The following RERE variants were observed in gnomAD, a reference collection of about 807,000 sequenced individuals.
The protein encoded by RERE is arginine-glutamic acid dipeptide repeats protein.
In RERE, 40 loss-of-function variants were observed where a neutral mutation model predicts 146.1. The observed-to-expected ratio is 0.27, with a 90% confidence interval of 0.21 to 0.36. RERE has a LOEUF of 0.36. Among genes scored for constraint, RERE ranks in the 10% least tolerant of loss-of-function variants. The probability of loss-of-function intolerance (pLI) is 1.00; values close to 1 mark genes in which losing one functional copy is unlikely to be tolerated. For synonymous variants in RERE, 1,003 were observed against 866.0 expected (o/e 1.16, Z -2.78); for missense variants, 1,933 against 2,138.7 (o/e 0.90, Z 1.90).
chr1:8,681,283 C>T (rs535573773), intron 1 of RERE, among the ~76,000 whole-genome samples: 8 of 152,286 alleles, frequency 5.3e-5, no homozygotes, highest in African/African-American at 1.9e-4. Context: ...ATAAGGATCT[C>T]ATATAGGACT....
intron 1 of RERE, among the ~76,000 whole-genome samples, chr1:8,789,648 T>C (rs1451665621): frequency 1.3e-5 from 2 of 152,150 alleles, no homozygotes; most frequent in African/African-American, 4.8e-5. Context: ...ACTCCGTGCC[T>C]AGCATTCCAA....
chr1:8,751,367 A>C (rs1640531282), intron 1 of RERE, among the ~76,000 whole-genome samples: 1 of 152,220 alleles, frequency 6.6e-6, no homozygotes, highest in African/African-American at 2.4e-5. Flanking sequence ...TAATATCTCC[A>C]AATAAATAGC....
intron 9 of RERE, 109 bp downstream of exon 9, chr1:8,497,296 A>T: frequency 8.3e-7 from 1 of 1,198,630 alleles, no homozygotes; most frequent in Admixed American, 2.3e-5. Flanking sequence ...TTAAAGTCAG[A>T]GAACGCCCAA....
intron 12 of RERE, among the ~76,000 whole-genome samples, chr1:8,382,180 C>T (rs1307900896): frequency 6.6e-6 from 1 of 152,262 alleles, no homozygotes. Context: ...TGGGATTATG[C>T]CTGCAAGCTA....
chr1:8,721,892 A>T (rs1639871496), intron 1 of RERE, among the ~76,000 whole-genome samples: 1 of 152,232 alleles, frequency 6.6e-6, no homozygotes, highest in Admixed American at 6.5e-5. Flanking sequence ...ACGGAGCTGA[A>T]CAGTCAGCTA....
At chr1:8,422,259 TC>T (rs1301353300) in intron 12 of RERE, among the ~76,000 whole-genome samples, 1 of 152,158 alleles carries the variant, frequency 6.6e-6, no homozygotes, top group Non-Finnish European at 1.5e-5. Context: ...GAGTTAAAAC[TC>T]CTCTTCAAAA....
chr1:8,779,199 A>T (rs1316275259), intron 1 of RERE, among the ~76,000 whole-genome samples: 1 of 152,074 alleles, frequency 6.6e-6, no homozygotes, highest in African/African-American at 2.4e-5. Flanking sequence ...TCCTAAGGAA[A>T]TAATTGTAAA....
chr1:8,755,880 T>C (rs1640630694), intron 1 of RERE, among the ~76,000 whole-genome samples: 1 of 151,982 alleles, frequency 6.6e-6, no homozygotes, highest in South Asian at 2.1e-4. Context: ...GCCCGGGCAA[T>C]ATAGTGAGAC....
chr1:8,373,048 TCAG>T, intron 12 of RERE, among the ~76,000 whole-genome samples: 1 of 152,212 alleles, frequency 6.6e-6, no homozygotes, highest in Non-Finnish European at 1.5e-5. Flanking sequence ...CCTACCACTG[TCAG>T]CTGAGCAGAC....
rs1436536670 is a variant in RERE, at chr1:8,360,319, C to G, written c.3188G>C (p.Gly1063Ala). The change falls in exon 18 of 23, where the codon GGC (glycine) becomes GCC (alanine). Residue 1063 changes from glycine (G) to alanine (A), a missense_variant. Around this residue, in one of 11 missense-constraint regions of RERE, gnomAD observed 1,255 missense variants for 1,153.8 expected, o/e 1.09. Transcript: ENST00000400908. ...PSTSTPPAGPGTSAQPPCSGA... is the reference protein window; with the variant it reads ...PSTSTPPAGPATSAQPPCSGA... ...AGAGCAGGGTGGCTGGGCCGAGGTG[C>G]CAGGTCCCGCCGGTGGGGTAGAGGT... The G allele has an allele frequency of 9.8e-6, 15 of 1,528,510 alleles. No individual in the cohort carries two copies. In the East Asian group the frequency reaches 3.4e-4, roughly 35 times the overall value. 94.7% of individuals were successfully genotyped at this position (1,528,510 alleles called of 1,614,324 possible).
chr1:8,789,777 C>T (rs1051758667), intron 1 of RERE, among the ~76,000 whole-genome samples: 5 of 152,090 alleles, frequency 3.3e-5, no homozygotes, highest in Admixed American at 6.6e-5. Context: ...TGCCTCAGGC[C>T]GACCCCTGCC....
chr1:8,399,808 A>T (rs1484122525), intron 12 of RERE, among the ~76,000 whole-genome samples: 3 of 148,516 alleles, frequency 2.0e-5, no homozygotes, highest in East Asian at 2.0e-4. Flanking sequence ...TCTTTTTTTA[A>T]AAAAAAAAAT....
intron 4 of RERE, among the ~76,000 whole-genome samples, chr1:8,605,170 C>T (rs928428888): frequency 2.0e-5 from 3 of 152,116 alleles, no homozygotes; most frequent in Non-Finnish European, 4.4e-5. Flanking sequence ...CGGAGTCTCG[C>T]TCTGTCGCCC....
chr1:8,610,543 G>A (rs572526628), intron 4 of RERE, among the ~76,000 whole-genome samples: 17 of 151,782 alleles, frequency 1.1e-4, no homozygotes, highest in Non-Finnish European at 2.4e-4. Context: ...AGCCAAGACC[G>A]CACCATTGCA....
At chr1:8,679,759 T>C (rs1187678398) in intron 1 of RERE, among the ~76,000 whole-genome samples, 2 of 152,192 alleles carry the variant, frequency 1.3e-5, no homozygotes, top group African/African-American at 4.8e-5. Context: ...GATGGCAGAG[T>C]TCTGTTTTCT....
intron 2 of RERE, among the ~76,000 whole-genome samples, chr1:8,634,071 C>G (rs541798509): frequency 6.6e-6 from 1 of 152,110 alleles, no homozygotes; most frequent in Admixed American, 6.5e-5. Flanking sequence ...ACAGAGACAC[C>G]CTTTTCATTC....
At chr1:8,724,875 T>A (rs1380019228) in intron 1 of RERE, among the ~76,000 whole-genome samples, 25 of 120,726 alleles carry the variant, frequency 2.1e-4, no homozygotes, top group South Asian at 8.2e-4. Context: ...AGATACTTTG[T>A]AAAAAAAAAA....
chr1:8,398,488 C>G (rs1643134157), intron 12 of RERE, among the ~76,000 whole-genome samples: 1 of 152,230 alleles, frequency 6.6e-6, no homozygotes, highest in East Asian at 1.9e-4. Flanking sequence ...AAATAAGATC[C>G]TCTTCTATTA....
At chr1:8,388,561 C>T (rs965301020) in intron 12 of RERE, among the ~76,000 whole-genome samples, 11 of 152,098 alleles carry the variant, frequency 7.2e-5, no homozygotes, top group East Asian at 5.8e-4. Flanking sequence ...CCTCATGATC[C>T]GCCCGCCTTG....
Sources: allele counts gnomAD v4.1 joint callset (sites outside exome capture counted in the v4.1 genomes callset), GRCh38; gene constraint gnomAD v4.1.1; regional missense constraint gnomAD v4.1.1; transcripts MANE v1.5; gene names NCBI Gene and HGNC (gene_info 2026-07-23, HGNC 2026-07-21).